Variants in CDH8 observed in about 807,000 individuals in gnomAD.
CDH8 encodes the protein cadherin 8.
Under a neutral mutation model 68.1 loss-of-function variants are expected in CDH8, and 17 were observed. The observed-to-expected ratio is 0.25, with a 90% CI of 0.17 to 0.37. The LOEUF (loss-of-function observed/expected upper bound fraction) is 0.37. CDH8 is among the 10% of genes least tolerant of loss of function. The pLI is 1.00. For synonymous variants in CDH8, 372 were observed against 365.1 expected (o/e 1.02, Z -0.21); for missense variants, 763 against 999.3 (o/e 0.76, Z 3.19).
At chr16:62,020,689 T>C (rs1902052651) in intron 2 of CDH8, among the ~76,000 whole-genome samples, 2 of 151,986 alleles carry the variant, frequency 1.3e-5, no homozygotes, top group Admixed American at 6.6e-5. Flanking sequence ...AAGCAGATGA[T>C]AAAACAAAAA....
intron 2 of CDH8, among the ~76,000 whole-genome samples, chr16:61,972,278 C>G (rs1965352032): frequency 6.6e-6 from 1 of 152,164 alleles, no homozygotes; most frequent in African/African-American, 2.4e-5. Context: ...AATTAAACCT[C>G]TCTCCTTTAT....
At chr16:61,953,581 A>G (rs944202078) in intron 2 of CDH8, among the ~76,000 whole-genome samples, 1 of 151,298 alleles carries the variant, frequency 6.6e-6, no homozygotes, top group Non-Finnish European at 1.5e-5. Flanking sequence ...AAAAAAAGAC[A>G]CTGGAGCCAG....
chr16:61,874,885 G>T (rs1032671639), intron 3 of CDH8, among the ~76,000 whole-genome samples: 3 of 152,142 alleles, frequency 2.0e-5, no homozygotes, highest in Non-Finnish European at 2.9e-5. Flanking sequence ...TTCAACAAAA[G>T]GAATCTTTCC....
chr16:61,904,672 C>G (rs1450450426), intron 2 of CDH8, among the ~76,000 whole-genome samples: 1 of 152,140 alleles, frequency 6.6e-6, no homozygotes, highest in Non-Finnish European at 1.5e-5. Context: ...GATTAGCTAC[C>G]TTTTATGGGT....
At chr16:61,977,017 A>G (rs1255288208) in intron 2 of CDH8, among the ~76,000 whole-genome samples, 2 of 152,200 alleles carry the variant, frequency 1.3e-5, no homozygotes, top group African/African-American at 2.4e-5. Context: ...CCTGAACTGC[A>G]TAATATAAGA....
At chr16:61,679,209 C>A (rs182718827) in intron 10 of CDH8, among the ~76,000 whole-genome samples, 111 of 152,094 alleles carry the variant, frequency 7.3e-4, no homozygotes, top group Non-Finnish European at 4.9e-4. Flanking sequence ...ATGATGAATT[C>A]TTTAAAAATG....
intron 10 of CDH8, chr16:61,692,380 CT>C: frequency 6.6e-6 from 1 of 152,176 alleles, no homozygotes; most frequent in African/African-American, 2.4e-5. Context: ...ATAAAAATGT[CT>C]ATTATATTGC....
chr16:61,754,950 T>C (rs1960273964), intron 8 of CDH8, among the ~76,000 whole-genome samples: 2 of 152,172 alleles, frequency 1.3e-5, no homozygotes, highest in Middle Eastern at 3.2e-3. Context: ...CAGGCATCAG[T>C]CTACTGTTGC....
At chr16:61,779,466 C>CGT (rs1960991558) in intron 8 of CDH8, among the ~76,000 whole-genome samples, 1 of 53,662 alleles carries the variant, frequency 1.9e-5, no homozygotes, top group South Asian at 6.9e-4. Context: ...TGTGTGTGTG[C>CGT]GCGCATGGTG....
intron 10 of CDH8, among the ~76,000 whole-genome samples, chr16:61,684,411 T>TA (rs1460690238): frequency 6.6e-6 from 1 of 151,852 alleles, no homozygotes; most frequent in Non-Finnish European, 1.5e-5. Context: ...GGCTAGGCAA[T>TA]AAAAAAGATA....
At chr16:62,015,137 C>T (rs993906735) in intron 2 of CDH8, among the ~76,000 whole-genome samples, 3 of 152,112 alleles carry the variant, frequency 2.0e-5, no homozygotes, top group African/African-American at 7.2e-5. Context: ...AATTCCACAC[C>T]TGACTTCATG....
rs370249470 is a variant in CDH8 at position 61,914,250 on chromosome 16, G to A, written c.253-12777C>T. ...AAATTTCTGTTGCTTAAGTCACCCAGTCTGTGGCATTTTGGTAATGCAGCC... is the reference window on the plus strand; with the variant it reads ...AAATTTCTGTTGCTTAAGTCACCCAATCTGTGGCATTTTGGTAATGCAGCC... On this transcript the variant is annotated intron_variant, in intron 2 of 11. Transcript: ENST00000577390. Among the ~76,000 whole-genome samples, 32 of 152,308 alleles carry A rather than the reference G, an allele frequency of 2.1e-4. No individual in the cohort carries two copies. The East Asian group carries it at 3.9e-3, about 18-fold the overall frequency.
chr16:61,959,235 T>A (rs938184325), intron 2 of CDH8, among the ~76,000 whole-genome samples: 1 of 152,170 alleles, frequency 6.6e-6, no homozygotes, highest in African/African-American at 2.4e-5. Flanking sequence ...CCTGCCTGGC[T>A]GCAGAATTAA....
chr16:61,930,886 G>A (rs967850749), intron 2 of CDH8, among the ~76,000 whole-genome samples: 5 of 152,132 alleles, frequency 3.3e-5, no homozygotes, highest in Admixed American at 6.6e-5. Flanking sequence ...GAAATTCCTC[G>A]TGTTATTCTT....
rs530373050 is a variant in CDH8, at chr16:61,647,846, A to G, written c.*5762T>C. The stretch of plus-strand genomic sequence containing the variant: ...GGTTTTCCACAGTCTTTCTCTTCAG[A>G]CAGCATCTTGTGATATTCCTCCTAG... On this transcript the variant is annotated 3_prime_UTR_variant, in exon 12 of 12. Coordinates refer to ENST00000577390, the MANE Select transcript of CDH8 (RefSeq NM_001796.5). 2.2e-4 allele frequency: 151 copies of G among 699,764 alleles called. 1 individual carries two copies. Among genetic ancestry groups the G allele is most frequent in the Non-Finnish European group, 2.7e-4 (104 of 382,922 alleles). The allele number at this position is 699,764 out of a possible 1,614,324, so 43.3% of individuals were successfully genotyped here.
chr16:61,885,439 T>C (rs561485243), intron 3 of CDH8, among the ~76,000 whole-genome samples: 7 of 152,332 alleles, frequency 4.6e-5, no homozygotes, highest in African/African-American at 9.6e-5. Flanking sequence ...AGGTTACTAA[T>C]GTTCTTAGTG....
intron 4 of CDH8, among the ~76,000 whole-genome samples, chr16:61,843,996 A>G (rs1962744039): frequency 6.6e-6 from 1 of 151,994 alleles, no homozygotes; most frequent in Admixed American, 6.6e-5. Flanking sequence ...TTGCGGCACT[A>G]TTCACAATAG....
chr16:62,020,496 G>GCA lies in CDH8; in HGVS notation c.252+655_252+656insTG, dbSNP rs1350783797. On this transcript the variant is annotated intron_variant, in intron 2 of 11. Coordinates refer to ENST00000577390, the MANE Select transcript of CDH8 (RefSeq NM_001796.5). Reference sequence around the variant, plus strand: ...TCCAGTCTAACACACACACGCGCGCGCGCACACACACACACACACACACAC... The same window carrying GCA: ...TCCAGTCTAACACACACACGCGCGCGCACGCACACACACACACACACACACAC... Among the ~76,000 whole-genome samples, 42 of 82,266 alleles carry GCA rather than the reference G, an allele frequency of 5.1e-4. No individual in the cohort carries two copies. The East Asian group carries it at 0.01, about 20-fold the overall frequency. 54.0% of individuals were successfully genotyped at this position (82,266 alleles called of 152,430 possible).
chr16:61,835,115 G>T (rs963480003), intron 4 of CDH8, among the ~76,000 whole-genome samples: 2 of 151,838 alleles, frequency 1.3e-5, no homozygotes, highest in African/African-American at 4.8e-5. Context: ...TGTTTGACAG[G>T]CATGGCTCTG....
Sources: allele counts gnomAD v4.1 joint callset (sites outside exome capture counted in the v4.1 genomes callset), GRCh38; gene constraint gnomAD v4.1.1; transcripts MANE v1.5; gene names NCBI Gene and HGNC (gene_info 2026-07-23, HGNC 2026-07-21).